The following ZNF587B variants were observed in gnomAD, a reference collection of about 807,000 sequenced individuals.
ZNF587B encodes zinc finger protein 587B.
Under a neutral mutation model 7.2 loss-of-function variants are expected in ZNF587B, and 6 were observed. The ratio of observed to expected loss-of-function variants is 0.83; its 90% CI spans 0.46 to 1.65. ZNF587B has a LOEUF of 1.65. Among genes scored for constraint, ZNF587B ranks in the 40% most tolerant of loss-of-function variants. The pLI, the probability that ZNF587B is intolerant of heterozygous loss-of-function variation, is 0.01. For synonymous variants in ZNF587B, 274 were observed against 254.3 expected (o/e 1.08, Z -0.74); for missense variants, 749 against 761.0 (o/e 0.98, Z 0.19).
intron 1 of ZNF587B, among the ~76,000 whole-genome samples, chr19:57,831,957 C>G (rs889573997): frequency 3.9e-5 from 6 of 152,124 alleles, no homozygotes; most frequent in Admixed American, 3.9e-4. Flanking sequence ...ACGCTCGCCT[C>G]GGCCTCCGAA....
At chr19:57,840,391 T>C (rs1436496097) in intron 2 of ZNF587B, among the ~76,000 whole-genome samples, 4 of 152,162 alleles carry the variant, frequency 2.6e-5, no homozygotes, top group Admixed American at 2.0e-4. Flanking sequence ...ATTTTACATA[T>C]GTCACCATTT....
In ZNF587B at chr19:57,830,331, C is replaced by T; in HGVS notation, c.-198C>T. On this transcript the variant is annotated 5_prime_UTR_variant, in exon 1 of 3. Transcript: ENST00000594901. ...GTTGGGTTTATTTGTCGGAGAGGCT[C>T]CTGAGCGCTAGGTCGGCACTGCGGT... 3.6e-6 allele frequency: 2 copies of T among 548,086 alleles called. No homozygotes were observed. The highest frequency in any genetic ancestry group is 3.2e-6 in the Non-Finnish European group (1 of 310,110). 34.0% of individuals were successfully genotyped at this position (548,086 alleles called of 1,614,324 possible).
At position 57,841,783 on chromosome 19, in the gene ZNF587B, G is replaced by T. The variant is rs755666355; in HGVS notation, c.1109G>T (p.Ser370Ile). 1 of 1,610,214 alleles carries T rather than the reference G, an allele frequency of 6.2e-7. No homozygotes were observed. Among genetic ancestry groups the T allele is most frequent in the South Asian group, 1.1e-5 (1 of 90,794 alleles). Residue 370 changes from serine (S) to isoleucine (I), a missense_variant, in exon 3 of 3, where the codon AGT becomes ATT. Coordinates refer to ENST00000594901, the MANE Select transcript of ZNF587B (RefSeq NM_001376223.1). ...EKSFSRKPSL[S>I]YHQRIHTEVR... ...TCTTTTAGTCGGAAGCCCAGCCTTA[G>T]TTACCATCAGCGCATTCACACTGAA...
Position 57,845,889 on chromosome 19 carries a change from G to A in ZNF587B, c.*3313G>A, listed in dbSNP as rs1231468626. ...TTAGTGATGTGGGAGGATTGCTTGA[G>A]CCTGGGAGGCAGAAGTTGCAGTGAG... On this transcript the variant is annotated 3_prime_UTR_variant, in exon 3 of 3. Coordinates refer to ENST00000594901, the MANE Select transcript of ZNF587B (RefSeq NM_001376223.1). 1 of 152,136 alleles carries A rather than the reference G, an allele frequency of 6.6e-6. No individual in the cohort carries two copies. The highest frequency in any genetic ancestry group is 3.2e-3 in the Middle Eastern group (1 of 316). The allele number at this position is 152,136 out of a possible 1,614,324, so 9.4% of individuals were successfully genotyped here. A position where few individuals can be genotyped will look rare whatever the true frequency, so the allele number is the denominator to read the frequency against.
chr19:57,842,488 C>T lies in ZNF587B; in HGVS notation c.1814C>T (p.Pro605Leu). The T allele has an allele frequency of 1.9e-6, 3 of 1,586,380 alleles. No homozygotes were observed. Among genetic ancestry groups the T allele is most frequent in the Non-Finnish European group, 2.6e-6 (3 of 1,170,882 alleles). ...NHRRVHTGEKPYGCSECEKKF... is the reference protein window; with the variant it reads ...NHRRVHTGEKLYGCSECEKKF... ...AGGAGAGTTCACACTGGAGAAAAGC[C>T]TTATGGGTGTAGTGAATGTGAAAAA... is the stretch of plus-strand genomic sequence containing the variant. The change falls in exon 3 of 3, where the codon CCT becomes CTT. Residue 605 changes from proline (P) to leucine (L), a missense_variant. Around this residue, in one of 3 missense-constraint regions of ZNF587B, gnomAD observed 656 missense variants for 596.5 expected, o/e 1.10. Coordinates refer to ENST00000594901, the MANE Select transcript of ZNF587B (RefSeq NM_001376223.1).
At position 57,843,674 on chromosome 19, in the gene ZNF587B, T is replaced by C. The variant is rs1365876306; in HGVS notation, c.*1098T>C. ...TGGAGTGCAGTGGTGTGATCCTGGT[T>C]CATTGCAACCTCTGCCTCCTGAGTT... On this transcript the variant is annotated 3_prime_UTR_variant, in exon 3 of 3. Coordinates refer to ENST00000594901, the MANE Select transcript of ZNF587B (RefSeq NM_001376223.1). 1.5e-6 allele frequency: 1 copy of C among 672,104 alleles called. No individual in the cohort carries two copies. Among genetic ancestry groups the C allele is most frequent in the Non-Finnish European group, 1.8e-6 (1 of 545,848 alleles). The allele number at this position is 672,104 out of a possible 1,614,324, so 41.6% of individuals were successfully genotyped here.
chr19:57,840,666 A>T (rs528647136), intron 2 of ZNF587B, among the ~76,000 whole-genome samples, 172 bp from the exon 3 acceptor site: 1 of 152,110 alleles, frequency 6.6e-6, no homozygotes, highest in African/African-American at 2.4e-5. Context: ...ACATTCTGTG[A>T]CCGTTATAGT....
At chr19:57,830,586 C>T in intron 1 of ZNF587B, 22 bp downstream of exon 1, 2 of 1,549,632 alleles carry the variant, frequency 1.3e-6, no homozygotes, top group Non-Finnish European at 1.7e-6. Context: ...GCCTTCCATG[C>T]CCTCAGGTCA....
Position 57,842,912 on chromosome 19 carries a change from CTG to C in ZNF587B, c.*339_*340del. On this transcript the variant is annotated 3_prime_UTR_variant, in exon 3 of 3. Coordinates refer to ENST00000594901, the MANE Select transcript of ZNF587B (RefSeq NM_001376223.1). ...TGAATGTAATGTTTGCAAAAAAGCACTGTGCCTTCTGTCATTGAATCCTAGAA... is the reference window on the plus strand; with the variant it reads ...TGAATGTAATGTTTGCAAAAAAGCACTGCCTTCTGTCATTGAATCCTAGAA... 1.0e-6 allele frequency: 1 copy of C among 985,430 alleles called. No homozygotes were observed. The highest frequency in any genetic ancestry group is 1.1e-4 in the East Asian group (1 of 8,818). The allele number at this position is 985,430 out of a possible 1,614,324, so 61.0% of individuals were successfully genotyped here.
Position 57,843,276 on chromosome 19 carries a change from G to A in ZNF587B, c.*700G>A. On this transcript the variant is annotated 3_prime_UTR_variant, in exon 3 of 3. Transcript: ENST00000594901. ...CAAAGTGCTGAGATTGTAGGTTTGA[G>A]TCACTGTGCTCAGCCAATTATGTTT... 5.1e-6 allele frequency: 5 copies of A among 985,070 alleles called. No homozygotes were observed. The highest frequency in any genetic ancestry group is 6.0e-6 in the Non-Finnish European group (5 of 829,648). 61.0% of individuals were successfully genotyped at this position (985,070 alleles called of 1,614,324 possible). A position where few individuals can be genotyped will look rare whatever the true frequency, so the allele number is the denominator to read the frequency against.
At chr19:57,831,091 A>G (rs2122197490) in intron 1 of ZNF587B, among the ~76,000 whole-genome samples, 1 of 152,322 alleles carries the variant, frequency 6.6e-6, no homozygotes, top group African/African-American at 2.4e-5. Context: ...AACTGCGGAT[A>G]TAGCTCGCCA....
chr19:57,830,943 A>G (rs553910311), intron 1 of ZNF587B, among the ~76,000 whole-genome samples: 4 of 152,194 alleles, frequency 2.6e-5, no homozygotes, highest in African/African-American at 9.7e-5. Context: ...ACAATTTTAC[A>G]GAAGTAAAGT....
In ZNF587B at chr19:57,841,695, C is replaced by T. The variant is rs764067053; in HGVS notation, c.1021C>T (p.Leu341Phe). 3 of 1,606,472 alleles carry T rather than the reference C, an allele frequency of 1.9e-6. No homozygotes were observed. The highest frequency in any genetic ancestry group is 2.5e-6 in the Non-Finnish European group (3 of 1,176,712). The change falls in exon 3 of 3, where the codon CTT (leucine) becomes TTT (phenylalanine). Residue 341 changes from leucine to phenylalanine, a missense_variant. Transcript: ENST00000594901. ...CGKSFSSNVNLKSHQRIHTGE... is the reference protein window; with the variant it reads ...CGKSFSSNVNFKSHQRIHTGE... The stretch of plus-strand genomic sequence containing the variant: ...GAAATCTTTTAGTTCAAACGTGAAC[C>T]TTAAGAGTCATCAGCGCATTCACAC...
Position 57,843,878 on chromosome 19 carries a change from T to A in ZNF587B, c.*1302T>A, listed in dbSNP as rs193225520. ...GCCTCCCAAAGTGCTGGGATTACAGTGTGAGCCTCTGCTTCTGGCCTTTTT... is the reference window on the plus strand; with the variant it reads ...GCCTCCCAAAGTGCTGGGATTACAGAGTGAGCCTCTGCTTCTGGCCTTTTT... On this transcript the variant is annotated 3_prime_UTR_variant, in exon 3 of 3. Coordinates refer to ENST00000594901, the MANE Select transcript of ZNF587B (RefSeq NM_001376223.1). Among the ~76,000 whole-genome samples, 2 of 152,160 alleles carry A rather than the reference T, an allele frequency of 1.3e-5. No individual in the cohort carries two copies. Among genetic ancestry groups the A allele is most frequent in the East Asian group, 3.9e-4 (2 of 5,168 alleles).
In ZNF587B at chr19:57,844,144, A is replaced by G. The variant is rs577387399; in HGVS notation, c.*1568A>G. ...CTTCTTGCTTTTTCATTTCTTTCTGATAAGTTACACCATGGACCTTCCCCA... is the reference window on the plus strand; with the variant it reads ...CTTCTTGCTTTTTCATTTCTTTCTGGTAAGTTACACCATGGACCTTCCCCA... On this transcript the variant is annotated 3_prime_UTR_variant, in exon 3 of 3. Coordinates refer to ENST00000594901, the MANE Select transcript of ZNF587B (RefSeq NM_001376223.1). 10 of 300,500 alleles carry G rather than the reference A, an allele frequency of 3.3e-5. No individual in the cohort carries two copies. The highest frequency in any genetic ancestry group is 2.1e-4 in the African/African-American group (9 of 43,184). The allele number at this position is 300,500 out of a possible 1,614,324, so 18.6% of individuals were successfully genotyped here. A position where few individuals can be genotyped will look rare whatever the true frequency, so the allele number is the denominator to read the frequency against.
Position 57,843,426 on chromosome 19 carries a change from TGCCACTTATCTGGCAAAA to T in ZNF587B, c.*855_*872del, listed in dbSNP as rs1401416774. On this transcript the variant is annotated 3_prime_UTR_variant, in exon 3 of 3. Coordinates refer to ENST00000594901, the MANE Select transcript of ZNF587B (RefSeq NM_001376223.1). ...TGTTATCTTGCTAGACTTATGTGAC[TGCCACTTATCTGGCAAAA>T]GCCATTACATCTCAGCTACTTGGTA... 4.7e-5 allele frequency: 46 copies of T among 985,436 alleles called. No individual in the cohort carries two copies. Among genetic ancestry groups the T allele is most frequent in the Non-Finnish European group, 5.4e-5 (45 of 829,930 alleles). The allele number at this position is 985,436 out of a possible 1,614,324, so 61.0% of individuals were successfully genotyped here.
At position 57,842,495 on chromosome 19, in the gene ZNF587B, G is replaced by T; in HGVS notation, c.1821G>T (p.Gly607=). 1 of 1,574,040 alleles carries T rather than the reference G, an allele frequency of 6.4e-7. No homozygotes were observed. Among genetic ancestry groups the T allele is most frequent in the Non-Finnish European group, 8.6e-7 (1 of 1,166,480 alleles). The change falls in exon 3 of 3, where the codon GGG becomes GGT. Residue 607 remains glycine (G), a synonymous_variant. Transcript: ENST00000594901. Reference sequence around the variant, plus strand: ...TTCACACTGGAGAAAAGCCTTATGGGTGTAGTGAATGTGAAAAAAAATTTA... The same window carrying T: ...TTCACACTGGAGAAAAGCCTTATGGTTGTAGTGAATGTGAAAAAAAATTTA... The part of the protein sequence containing the change: ...RRVHTGEKPY[G]CSECEKKFRK...
At chr19:57,840,706 T>A in intron 2 of ZNF587B, 132 bp from the exon 3 acceptor site, 1 of 1,578,520 alleles carries the variant, frequency 6.3e-7, no homozygotes, top group East Asian at 2.3e-5. Context: ...CCATCTTCCA[T>A]CTGAAGCCAA....
intron 2 of ZNF587B, among the ~76,000 whole-genome samples, 169 bp from the exon 3 acceptor site, chr19:57,840,669 G>T (rs2375157): frequency 3.9e-5 from 6 of 152,112 alleles, no homozygotes; most frequent in Admixed American, 3.9e-4. Context: ...TTCTGTGACC[G>T]TTATAGTCCA....
Sources: gnomAD v4.1 joint callset for allele counts (sites outside exome capture counted in the v4.1 genomes callset) on GRCh38, gnomAD v4.1.1 for gene constraint, gnomAD v4.1.1 regional missense constraint, MANE v1.5 for transcripts, NCBI Gene and HGNC (gene_info 2026-07-23, HGNC 2026-07-21) for gene names.